Variants in PKHD1L1 observed in about 807,000 individuals in gnomAD.
PKHD1L1 encodes the protein fibrocystin-L.
A neutral mutation model predicts 462.9 loss-of-function variants in PKHD1L1; 434 were observed. The observed-to-expected ratio is 0.94, with a 90% confidence interval of 0.87 to 1.02. The LOEUF is 1.02. Among genes scored for constraint, PKHD1L1 ranks in the 50% least tolerant of loss-of-function variants. The pLI is 0.00. For synonymous variants in PKHD1L1, 1,781 were observed against 1,750.0 expected (o/e 1.02, Z -0.44); for missense variants, 5,202 against 5,096.1 (o/e 1.02, Z -0.63).
chr8:109,523,054 A>C (rs1318440830), intron 75 of PKHD1L1, among the ~76,000 whole-genome samples, 164 bp downstream of exon 75: 1 of 152,196 alleles, frequency 6.6e-6, no homozygotes, highest in Non-Finnish European at 1.5e-5. Flanking sequence ...TGTCTCAAAA[A>C]TGTTTATGTT....
At chr8:109,501,118 G>A (rs73313167) in intron 67 of PKHD1L1, among the ~76,000 whole-genome samples, 1,946 of 152,174 alleles carry the variant, frequency 0.013, 46 homozygotes, top group African/African-American at 0.044. Context: ...CTATATTTTT[G>A]ATATTTACCA....
intron 21 of PKHD1L1, among the ~76,000 whole-genome samples, chr8:109,414,031 T>A (rs1477204808): frequency 1.3e-5 from 2 of 152,090 alleles, no homozygotes; most frequent in Non-Finnish European, 2.9e-5. Flanking sequence ...AAAATAAACC[T>A]AGAGAAGCTA....
intron 3 of PKHD1L1, among the ~76,000 whole-genome samples, chr8:109,381,944 T>A (rs142966143): frequency 2.0e-4 from 31 of 152,336 alleles, no homozygotes; most frequent in African/African-American, 7.2e-4. Context: ...AATTCATGTA[T>A]GTTATTAGCA....
chr8:109,452,658 A>G (rs1586546608), intron 42 of PKHD1L1, 60 bp from the exon 43 acceptor site: 1 of 1,206,362 alleles, frequency 8.3e-7, no homozygotes, highest in Middle Eastern at 2.2e-4. Context: ...TTTTTGAAAA[A>G]TCGAATGAAA....
chr8:109,394,007 AC>A (rs1279466649), intron 9 of PKHD1L1, among the ~76,000 whole-genome samples: 13 of 152,054 alleles, frequency 8.5e-5, no homozygotes, highest in African/African-American at 2.9e-4. Context: ...CCCCGTCTCT[AC>A]TAAAAATACA....
At chr8:109,520,123 G>C (rs780413559) in intron 73 of PKHD1L1, among the ~76,000 whole-genome samples, 6 of 151,852 alleles carry the variant, frequency 4.0e-5, no homozygotes, top group Non-Finnish European at 7.4e-5. Flanking sequence ...ATAAACTCTT[G>C]GTTAGAAGAG....
chr8:109,452,219 A>G lies in PKHD1L1; in HGVS notation c.6446A>G (p.His2149Arg), dbSNP rs1207336636. The G allele has an allele frequency of 1.9e-6, 3 of 1,612,846 alleles. No homozygotes were observed. The highest frequency in any genetic ancestry group is 2.5e-6 in the Non-Finnish European group (3 of 1,179,370). ...CACATCATCTGCATGACAGATGCCCATACTCTATCAGGGTGGGCTCCAGTT... is the reference window on the plus strand; with the variant it reads ...CACATCATCTGCATGACAGATGCCCGTACTCTATCAGGGTGGGCTCCAGTT... Reference protein sequence around the residue: ...KTHIICMTDAHTLSGWAPVCV... With the variant: ...KTHIICMTDARTLSGWAPVCV... The change falls in exon 42 of 78, where the codon CAT (histidine) becomes CGT (arginine). Residue 2149 changes from histidine (H) to arginine (R), a missense_variant. By Grantham distance (29) the His-to-Arg change is conservative. Transcript: ENST00000378402.
Position 109,491,876 on chromosome 8 carries a change from T to G in PKHD1L1, c.10118T>G (p.Ile3373Arg). 4 of 1,595,650 alleles carry G rather than the reference T, an allele frequency of 2.5e-6. No homozygotes were observed. The highest frequency in any genetic ancestry group is 2.7e-5 in the African/African-American group (2 of 74,456). ...CTTTTTTTCTTTTTTTAAACAGGCA[T>G]AAGAATATGGGGGAATGCCAACCGA... Reference protein sequence around the residue: ...NIIHFTVGEGIRIWGNANRVR... With the variant: ...NIIHFTVGEGRRIWGNANRVR... Residue 3373 changes from isoleucine to arginine, a missense_variant, in exon 62 of 78, where the codon ATA becomes AGA. Ile to Arg is a moderately conservative substitution (Grantham distance 97, BLOSUM62 -3). This residue lies in a region of PKHD1L1 where 4,497 missense variants were observed against 4,336.8 expected (regional missense o/e 1.04). Coordinates refer to ENST00000378402, the MANE Select transcript of PKHD1L1 (RefSeq NM_177531.6).
At chr8:109,418,629 G>T (rs2130636331) in intron 21 of PKHD1L1, among the ~76,000 whole-genome samples, 1 of 152,248 alleles carries the variant, frequency 6.6e-6, no homozygotes, top group African/African-American at 2.4e-5. Flanking sequence ...CTAGCACTTA[G>T]AACAATGGAC....
At chr8:109,444,505 T>C (rs1202189122) in intron 37 of PKHD1L1, among the ~76,000 whole-genome samples, 156 bp from the exon 38 acceptor site, 2 of 152,040 alleles carry the variant, frequency 1.3e-5, no homozygotes, top group Admixed American at 1.3e-4. Flanking sequence ...ATCCAAGAGA[T>C]GCGTTAATCA....
At chr8:109,475,314 A>C in intron 51 of PKHD1L1, 45 bp downstream of exon 51, 1 of 1,419,370 alleles carries the variant, frequency 7.0e-7, no homozygotes, top group Non-Finnish European at 9.6e-7. Flanking sequence ...GTATTACCCA[A>C]ACACAGCCTA....
chr8:109,492,227 T>C (rs1039396400), intron 62 of PKHD1L1, among the ~76,000 whole-genome samples: 1 of 151,792 alleles, frequency 6.6e-6, no homozygotes, highest in Non-Finnish European at 1.5e-5. Context: ...TCTTTGCTGC[T>C]GCTCGACTGA....
chr8:109,486,516 T>C (rs760321455), intron 58 of PKHD1L1, 132 bp from the exon 59 acceptor site: 45 of 678,670 alleles, frequency 6.6e-5, no homozygotes, highest in Non-Finnish European at 9.8e-5. Context: ...ATGTTTAACA[T>C]GTAAATGTAA....
chr8:109,441,938 A>G, intron 34 of PKHD1L1, 69 bp from the exon 35 acceptor site: 1 of 1,338,338 alleles, frequency 7.5e-7, no homozygotes, highest in Non-Finnish European at 9.9e-7. Context: ...ATAAATTGCC[A>G]TGTTGTCAAA....
intron 10 of PKHD1L1, among the ~76,000 whole-genome samples, chr8:109,395,287 A>T (rs1427512846): frequency 1.3e-5 from 2 of 152,238 alleles, no homozygotes; most frequent in African/African-American, 2.4e-5. Flanking sequence ...TTTCAGGTTG[A>T]TAGTATCCCT....
intron 62 of PKHD1L1, among the ~76,000 whole-genome samples, chr8:109,492,982 A>G (rs1310986883): frequency 1.3e-5 from 2 of 151,676 alleles, no homozygotes; most frequent in East Asian, 3.9e-4. Context: ...TCTCCACTGA[A>G]TCTTATGATC....
At chr8:109,465,479 C>A (rs554291573) in intron 49 of PKHD1L1, among the ~76,000 whole-genome samples, 1 of 152,236 alleles carries the variant, frequency 6.6e-6, no homozygotes, top group South Asian at 2.1e-4. Flanking sequence ...CCTGCATTGG[C>A]ACATTGATTT....
chr8:109,452,746 C>G lies in PKHD1L1; in HGVS notation c.6536C>G (p.Ala2179Gly). The G allele has an allele frequency of 1.3e-6, 2 of 1,539,672 alleles. No homozygotes were observed. Among genetic ancestry groups the G allele is most frequent in the East Asian group, 2.4e-5 (1 of 41,116 alleles). ...LDNADFLYVD[A>G]WSSNFSWGGK... is the part of the protein sequence containing the mutation. ...AATGCTGACTTTCTTTATGTTGATG[C>G]CTGGTCCTCCAATTTCTCATGGGGG... Residue 2179 changes from alanine to glycine, a missense_variant, in exon 43 of 78, where the codon GCC (alanine) becomes GGC (glycine). Around this residue, in one of 3 missense-constraint regions of PKHD1L1, gnomAD observed 4,497 missense variants for 4,336.8 expected, o/e 1.04. Coordinates refer to ENST00000378402, the MANE Select transcript of PKHD1L1 (RefSeq NM_177531.6).
chr8:109,489,624 A>G (rs1055025729), intron 59 of PKHD1L1, among the ~76,000 whole-genome samples: 2 of 151,816 alleles, frequency 1.3e-5, no homozygotes, highest in Non-Finnish European at 2.9e-5. Context: ...AGGAGGAAAA[A>G]CTTAGTTCTT....
Sources: gnomAD v4.1 joint callset for allele counts (sites outside exome capture counted in the v4.1 genomes callset) on GRCh38, gnomAD v4.1.1 for gene constraint, gnomAD v4.1.1 regional missense constraint, MANE v1.5 for transcripts, NCBI Gene and HGNC (gene_info 2026-07-23, HGNC 2026-07-21) for gene names.